C1orf146: variants seen among roughly 807,000 people sequenced by gnomAD.
C1orf146 encodes the protein protein SPO16 homolog.
In C1orf146, 22 loss-of-function variants were observed where a neutral mutation model predicts 23.0. That is an observed-to-expected ratio of 0.96 (90% confidence interval 0.68 to 1.36). The LOEUF (loss-of-function observed/expected upper bound fraction) is 1.36. Among genes scored for constraint, C1orf146 ranks in the 40% most tolerant of loss-of-function variants. The probability of loss-of-function intolerance (pLI) is 0.00; values close to 1 mark genes in which losing one functional copy is unlikely to be tolerated. For missense variants in C1orf146, 199 were observed against 206.8 expected (o/e 0.96, Z 0.23); for synonymous variants, 59 against 65.3 (o/e 0.90, Z 0.47).
chr1:92,221,226 A>G (rs896985091), intron 1 of C1orf146, among the ~76,000 whole-genome samples: 1 of 152,208 alleles, frequency 6.6e-6, no homozygotes, highest in Non-Finnish European at 1.5e-5. Flanking sequence ...GAATTAGTGC[A>G]TGAACAGAAA....
chr1:92,239,581 G>T (rs1464295413), intron 2 of C1orf146, among the ~76,000 whole-genome samples: 2 of 151,928 alleles, frequency 1.3e-5, no homozygotes, highest in East Asian at 1.9e-4. Context: ...GTGAAACCCT[G>T]TCTCTACCAA....
intron 2 of C1orf146, among the ~76,000 whole-genome samples, chr1:92,232,102 A>AAATTATATATATTTTTATTAT (rs1652138193): frequency 6.6e-6 from 1 of 151,912 alleles, no homozygotes; most frequent in African/African-American, 2.4e-5. Flanking sequence ...CCATTTTCAT[A>AAATTATATATATTTTTATTAT]AATTATATAT....
At chr1:92,225,341 C>T (rs1651941453) in intron 1 of C1orf146, among the ~76,000 whole-genome samples, 1 of 152,100 alleles carries the variant, frequency 6.6e-6, no homozygotes, top group Non-Finnish European at 1.5e-5. Flanking sequence ...TCCTGGGCTC[C>T]AGCAGTACAC....
intron 2 of C1orf146, among the ~76,000 whole-genome samples, chr1:92,236,567 G>A (rs1370339220): frequency 6.6e-6 from 1 of 152,044 alleles, no homozygotes; most frequent in Non-Finnish European, 1.5e-5. Flanking sequence ...CAACTTTGGT[G>A]AATCTGACAA....
At chr1:92,224,687 A>G (rs1651922544) in intron 1 of C1orf146, among the ~76,000 whole-genome samples, 1 of 151,984 alleles carries the variant, frequency 6.6e-6, no homozygotes, top group Non-Finnish European at 1.5e-5. Flanking sequence ...TATTCTTTCT[A>G]TTTTTATTCC....
In C1orf146 at chr1:92,244,894, C is replaced by T. The variant is rs779868010; in HGVS notation, c.408+37C>T. The T allele has an allele frequency of 1.2e-5, 14 of 1,207,876 alleles. No homozygotes were observed. In the South Asian group the frequency reaches 1.3e-4, roughly 11 times the overall value. 74.8% of individuals were successfully genotyped at this position (1,207,876 alleles called of 1,614,324 possible). A position where few individuals can be genotyped will look rare whatever the true frequency, so the allele number is the denominator to read the frequency against. On this transcript the variant is annotated intron_variant, in intron 5 of 5. Coordinates refer to ENST00000370375, the MANE Select transcript of C1orf146 (RefSeq NM_001012425.2). ...GTGGAATATGACACATACACACATA[C>T]ATTTTAAGGTTTTTAACTTCCAATT...
chr1:92,229,899 A>G (rs1400292054), intron 1 of C1orf146, among the ~76,000 whole-genome samples: 1 of 152,220 alleles, frequency 6.6e-6, no homozygotes, highest in Non-Finnish European at 1.5e-5. Flanking sequence ...TTCAGTCTCA[A>G]TGAAATTAGA....
At chr1:92,219,275 G>A (rs529848334) in intron 1 of C1orf146, among the ~76,000 whole-genome samples, 1 of 152,228 alleles carries the variant, frequency 6.6e-6, no homozygotes, top group East Asian at 1.9e-4. Flanking sequence ...TCTACTGAGT[G>A]CCAGGTGCTG....
chr1:92,227,733 T>C (rs1652003726), intron 1 of C1orf146, among the ~76,000 whole-genome samples: 1 of 152,184 alleles, frequency 6.6e-6, no homozygotes, highest in Admixed American at 6.5e-5. Context: ...AAAGCTATTA[T>C]TCAGTTGCCT....
chr1:92,242,788 C>T (rs1454015970), intron 3 of C1orf146, among the ~76,000 whole-genome samples: 3 of 151,886 alleles, frequency 2.0e-5, no homozygotes, highest in Non-Finnish European at 4.4e-5. Context: ...GGACAAAAGT[C>T]CAGTAAGGAA....
chr1:92,233,120 C>T (rs542567843), intron 2 of C1orf146, among the ~76,000 whole-genome samples: 46 of 152,236 alleles, frequency 3.0e-4, no homozygotes, highest in Non-Finnish European at 5.6e-4. Flanking sequence ...TTAATTAGAT[C>T]CCATTTGTCA....
intron 3 of C1orf146, 67 bp from the exon 4 acceptor site, chr1:92,244,150 T>C (rs1392175567): frequency 7.8e-6 from 9 of 1,146,688 alleles, no homozygotes; most frequent in African/African-American, 1.6e-5. Context: ...TTGGTTGATT[T>C]TGAGTTTATA....
Position 92,242,228 on chromosome 1 carries a change from C to G in C1orf146, c.83C>G (p.Thr28Ser), listed in dbSNP as rs373221562. 5.0e-6 allele frequency: 8 copies of G among 1,589,320 alleles called. No homozygotes were observed. The highest frequency in any genetic ancestry group is 6.9e-6 in the Non-Finnish European group (8 of 1,164,812). Reference sequence around the variant, plus strand: ...TTAAAAAAGAGTTATGAAGTTGCAACTGCCCTAGAAAATCGAAGCCACAAA... The same window carrying G: ...TTAAAAAAGAGTTATGAAGTTGCAAGTGCCCTAGAAAATCGAAGCCACAAA... ...SSSLKSYEVA[T>S]ALENRSHKVR... Residue 28 changes from threonine (T) to serine (S), a missense_variant, in exon 3 of 6, where the codon ACT (threonine) becomes AGT (serine). Coordinates refer to ENST00000370375, the MANE Select transcript of C1orf146 (RefSeq NM_001012425.2).
chr1:92,239,750 C>CA (rs112653982), intron 2 of C1orf146, among the ~76,000 whole-genome samples: 2,708 of 129,574 alleles, frequency 0.021, 84 homozygotes, highest in African/African-American at 0.069. Flanking sequence ...GACCCTGTCT[C>CA]AAAAAAAAAA....
chr1:92,244,316 G>C lies in C1orf146; in HGVS notation c.260G>C (p.Ser87Thr), dbSNP rs1032207891. ...AAATTTATTAACATTCACCAAAATA[G>C]TTTTTTGGTTTTGTCTGCTGCCCTC... ...IEKFINIHQN[S>T]FLVLSAALHG... The change falls in exon 4 of 6, where the codon AGT (serine) becomes ACT (threonine). Residue 87 changes from serine (S) to threonine (T), a missense_variant. Physicochemically the swap from Ser to Thr is moderately conservative, Grantham distance 58. Transcript: ENST00000370375. The C allele has an allele frequency of 9.3e-6, 15 of 1,611,382 alleles. No homozygotes were observed. The highest frequency in any genetic ancestry group is 1.3e-5 in the Non-Finnish European group (15 of 1,177,932).
At chr1:92,240,844 C>G in intron 2 of C1orf146, 1 of 440,784 alleles carries the variant, frequency 2.3e-6, no homozygotes, top group South Asian at 1.7e-5. Context: ...TTTAACCTAT[C>G]AGGAAAAACT....
rs533666303 is a variant in C1orf146, at chr1:92,244,559, T to C, written c.329+174T>C. Among the ~76,000 whole-genome samples, 505 of 152,334 alleles carry C rather than the reference T, an allele frequency of 3.3e-3. 1 individual carries two copies. The highest frequency in any genetic ancestry group is 5.3e-3 in the Admixed American group (81 of 15,296). On this transcript the variant is annotated intron_variant, in intron 4 of 5. Coordinates refer to ENST00000370375, the MANE Select transcript of C1orf146 (RefSeq NM_001012425.2). ...CTATGAATCGAGGTGACAGGGTTCA[T>C]GATGTTGCAAGGGCTTCTCCAAGAC...
chr1:92,231,117 C>G (rs551091798), intron 1 of C1orf146, among the ~76,000 whole-genome samples: 2 of 152,178 alleles, frequency 1.3e-5, no homozygotes, highest in African/African-American at 4.8e-5. Flanking sequence ...GGATAAAAAC[C>G]TCAGACCTTG....
At chr1:92,237,091 C>T (rs1257313894) in intron 2 of C1orf146, among the ~76,000 whole-genome samples, 1 of 152,052 alleles carries the variant, frequency 6.6e-6, no homozygotes, top group Non-Finnish European at 1.5e-5. Flanking sequence ...TGTCTGAAGC[C>T]TTCTTCTCTC....
Sources: gnomAD v4.1 joint callset for allele counts (sites outside exome capture counted in the v4.1 genomes callset) on GRCh38, gnomAD v4.1.1 for gene constraint, MANE v1.5 for transcripts, NCBI Gene and HGNC (gene_info 2026-07-23, HGNC 2026-07-21) for gene names.